The following PPFIA1 variants were observed in gnomAD, a reference collection of about 807,000 sequenced individuals.
The protein encoded by PPFIA1 is liprin-alpha-1.
In PPFIA1, 25 loss-of-function variants were observed where a neutral mutation model predicts 149.9. The observed-to-expected ratio is 0.17, with a 90% CI of 0.12 to 0.23. The LOEUF is 0.23. Among genes scored for constraint, PPFIA1 ranks in the 10% least tolerant of loss-of-function variants. The probability of loss-of-function intolerance (pLI) is 1.00; values close to 1 mark genes in which losing one functional copy is unlikely to be tolerated. For synonymous variants in PPFIA1, 549 were observed against 552.8 expected (o/e 0.99, Z 0.10); for missense variants, 1,362 against 1,506.5 (o/e 0.90, Z 1.59).
At chr11:70,345,670 A>T (rs538804682) in intron 15 of PPFIA1, among the ~76,000 whole-genome samples, 43 of 151,984 alleles carry the variant, frequency 2.8e-4, no homozygotes, top group South Asian at 8.3e-4. Context: ...AAAAAAAATT[A>T]AAAAAAATGA....
intron 21 of PPFIA1, chr11:70,371,284 G>A (rs2057225197): frequency 0.028 from 1 of 36 alleles, no homozygotes; most frequent in East Asian, 0.5. Flanking sequence ...GTTGAGATTT[G>A]TCTGTCTTTG....
intron 26 of PPFIA1, 39 bp from the exon 27 acceptor site, chr11:70,382,049 G>A (rs765648652): frequency 8.1e-6 from 13 of 1,595,540 alleles, no homozygotes; most frequent in South Asian, 1.1e-5. Context: ...CTAACTGCAC[G>A]CTGTGTTTGC....
chr11:70,354,418 A>G lies in PPFIA1; in HGVS notation c.2281A>G (p.Thr761Ala), dbSNP rs935212680. Residue 761 changes from threonine to alanine, a missense_variant, in exon 17 of 28, where the codon ACC becomes GCC. Physicochemically the swap from Thr to Ala is moderately conservative, Grantham distance 58. Transcript: ENST00000253925. ...LDRLHKGALH[T>A]VSHEDIRDIR... ...CCGGCTGCACAAAGGGGCGCTGCAC[A>G]CCGTCAGCCACGAGGACATCAGGGA... The G allele has an allele frequency of 1.2e-6, 2 of 1,613,942 alleles. No individual in the cohort carries two copies. Among genetic ancestry groups the G allele is most frequent in the Admixed American group, 1.7e-5 (1 of 60,000 alleles).
In PPFIA1 at chr11:70,384,339, TCA is replaced by T. The variant is rs2057807906; in HGVS notation, c.*1352_*1353del. ...ACAGTCTACTTTTGAACTATTTTTA[TCA>T]CAGTATTATTTATTGCTTTCTTTCA... On this transcript the variant is annotated 3_prime_UTR_variant, in exon 28 of 28. Coordinates refer to ENST00000253925, the MANE Select transcript of PPFIA1 (RefSeq NM_003626.5). 1 of 152,710 alleles carries T rather than the reference TCA, an allele frequency of 6.5e-6. No individual in the cohort carries two copies. The highest frequency in any genetic ancestry group is 2.1e-4 in the South Asian group (1 of 4,838). 9.5% of individuals were successfully genotyped at this position (152,710 alleles called of 1,614,324 possible). A position where few individuals can be genotyped will look rare whatever the true frequency, so the allele number is the denominator to read the frequency against.
At chr11:70,295,885 C>T (rs1303908185) in intron 2 of PPFIA1, among the ~76,000 whole-genome samples, 128 of 148,680 alleles carry the variant, frequency 8.6e-4, no homozygotes, top group African/African-American at 2.5e-3. Flanking sequence ...ACTTCTCAGA[C>T]GGGGCGGCTG....
intron 23 of PPFIA1, chr11:70,374,713 G>C (rs1444990234): frequency 1.9e-6 from 1 of 523,154 alleles, no homozygotes; most frequent in African/African-American, 2.0e-5. Flanking sequence ...TCTAATGGGA[G>C]AGTCTCCCTG....
At chr11:70,381,497 A>G (rs1415515106) in intron 26 of PPFIA1, among the ~76,000 whole-genome samples, 2 of 152,110 alleles carry the variant, frequency 1.3e-5, no homozygotes, top group African/African-American at 4.8e-5. Flanking sequence ...TCCCTGGCCA[A>G]CGCCCCACCC....
rs140989675 is a variant in PPFIA1 at position 70,352,639 on chromosome 11, C to G, written c.2164-1662C>G. Among the ~76,000 whole-genome samples the G allele has an allele frequency of 3.6e-3, 553 of 151,840 alleles. 3 individuals carry two copies. Among genetic ancestry groups the G allele is most frequent in the African/African-American group, 0.013 (525 of 41,384 alleles). On this transcript the variant is annotated intron_variant, in intron 16 of 27. Coordinates refer to ENST00000253925, the MANE Select transcript of PPFIA1 (RefSeq NM_003626.5). ...CTGTGTCAGTGGTGTTGGTGTAGACCAAGAGGACTTCCCTGCTTTCTAGTA... is the reference window on the plus strand; with the variant it reads ...CTGTGTCAGTGGTGTTGGTGTAGACGAAGAGGACTTCCCTGCTTTCTAGTA...
At chr11:70,303,530 C>G (rs2052629677) in intron 2 of PPFIA1, among the ~76,000 whole-genome samples, 1 of 152,176 alleles carries the variant, frequency 6.6e-6, no homozygotes, top group South Asian at 2.1e-4. Context: ...ACTCTAAAGC[C>G]ATTCCTGAGC....
At chr11:70,289,366 GT>G (rs1223198949) in intron 2 of PPFIA1, among the ~76,000 whole-genome samples, 1 of 152,020 alleles carries the variant, frequency 6.6e-6, no homozygotes, top group African/African-American at 2.4e-5. Context: ...TAAAATAAAA[GT>G]TTTTTCCCCT....
chr11:70,322,440 T>G (rs1185261195), intron 2 of PPFIA1, among the ~76,000 whole-genome samples: 1 of 152,066 alleles, frequency 6.6e-6, no homozygotes, highest in Non-Finnish European at 1.5e-5. Context: ...AGAAGACCGG[T>G]CTACTTGGCG....
At position 70,378,050 on chromosome 11, in the gene PPFIA1, G is replaced by C; in HGVS notation, c.3405G>C (p.Arg1135Ser). Residue 1135 changes from arginine (R) to serine (S), a missense_variant, in exon 26 of 28, where the codon AGG (arginine) becomes AGC (serine). Physicochemically the swap from Arg to Ser is moderately radical, Grantham distance 110. This residue lies in a region of PPFIA1 where 349 missense variants were observed against 373.3 expected (regional missense o/e 0.93). Transcript: ENST00000253925. ...RFDEDDDKSF[R>S]RAPSWRKKFR... is the part of the protein sequence containing the mutation. The stretch of plus-strand genomic sequence containing the variant: ...ACCAGGATGATGATAAAAGCTTTAG[G>C]AGAGCACCTTCATGGAGAAAAAAGT... The C allele has an allele frequency of 1.2e-6, 2 of 1,612,244 alleles. No individual in the cohort carries two copies. Among genetic ancestry groups the C allele is most frequent in the Non-Finnish European group, 1.7e-6 (2 of 1,178,914 alleles).
intron 2 of PPFIA1, among the ~76,000 whole-genome samples, chr11:70,297,840 G>A (rs1027550421): frequency 3.9e-5 from 6 of 152,170 alleles, no homozygotes; most frequent in African/African-American, 7.2e-5. Context: ...TCAGCCCCTC[G>A]TCTGGGCCAC....
chr11:70,326,926 A>G (rs2054331737), intron 7 of PPFIA1, 108 bp downstream of exon 7: 10 of 899,606 alleles, frequency 1.1e-5, no homozygotes, highest in Non-Finnish European at 1.5e-5. Flanking sequence ...AATTACTTTC[A>G]ACCTTTGGAT....
In PPFIA1 at chr11:70,277,060, A is replaced by ATATATT; in HGVS notation, c.264+4625_264+4626insATATTT. ...GAGATATATATATATATATATATAT[A>ATATATT]TTTTTTTTTTTCCAGGCACAGTCTC... On this transcript the variant is annotated intron_variant, in intron 2 of 27. Coordinates refer to ENST00000253925, the MANE Select transcript of PPFIA1 (RefSeq NM_003626.5). 1.0e-3 allele frequency among the ~76,000 whole-genome samples: 69 copies of ATATATT among 66,314 alleles called. 2 individuals carry two copies. The highest frequency in any genetic ancestry group is 6.7e-3 in the African/African-American group (57 of 8,536). The allele number at this position is 66,314 out of a possible 152,430, so 43.5% of individuals were successfully genotyped here. A position where few individuals can be genotyped will look rare whatever the true frequency, so the allele number is the denominator to read the frequency against.
At chr11:70,329,061 A>G (rs955081613) in intron 7 of PPFIA1, among the ~76,000 whole-genome samples, 1 of 152,116 alleles carries the variant, frequency 6.6e-6, no homozygotes, top group Admixed American at 6.6e-5. Flanking sequence ...CCATTTGTCA[A>G]TATGCTTGAG....
Position 70,362,049 on chromosome 11 carries a change from C to G in PPFIA1, c.2583-46C>G, listed in dbSNP as rs369387677. 3 of 1,573,332 alleles carry G rather than the reference C, an allele frequency of 1.9e-6. No homozygotes were observed. The African/African-American group carries it at 4.1e-5, about 21-fold the overall frequency. On this transcript the variant is annotated intron_variant, in intron 19 of 27. Transcript: ENST00000253925. The stretch of plus-strand genomic sequence containing the variant: ...GAGCTGGGATTACAGGTGTGAGCTA[C>G]CATGCCTGGCTGATTCTTTAATTTT...
rs143570886 is a variant in PPFIA1 at position 70,362,536 on chromosome 11, C to T, written c.2865+48C>T. On this transcript the variant is annotated intron_variant, in intron 21 of 27. Coordinates refer to ENST00000253925, the MANE Select transcript of PPFIA1 (RefSeq NM_003626.5). ...CATTCTTTGGAAACAGGGAATGCCTCTCTGAAGGTATCACTGCCCTGTTTA... is the reference window on the plus strand; with the variant it reads ...CATTCTTTGGAAACAGGGAATGCCTTTCTGAAGGTATCACTGCCCTGTTTA... The T allele has an allele frequency of 3.4e-4, 509 of 1,518,982 alleles. 3 individuals are homozygous for T. The African/African-American group carries it at 6.7e-3, about 20-fold the overall frequency. 94.1% of individuals were successfully genotyped at this position (1,518,982 alleles called of 1,614,324 possible). A position where few individuals can be genotyped will look rare whatever the true frequency, so the allele number is the denominator to read the frequency against.
intron 2 of PPFIA1, among the ~76,000 whole-genome samples, chr11:70,298,244 C>T (rs967444292): frequency 6.6e-6 from 1 of 152,066 alleles, no homozygotes; most frequent in Non-Finnish European, 1.5e-5. Context: ...AGAAATATTG[C>T]CTTTTTGGTT....
Sources: allele counts gnomAD v4.1 joint callset (sites outside exome capture counted in the v4.1 genomes callset), GRCh38; gene constraint gnomAD v4.1.1; regional missense constraint gnomAD v4.1.1; transcripts MANE v1.5; gene names NCBI Gene and HGNC (gene_info 2026-07-23, HGNC 2026-07-21).